CPNE4: variants seen among roughly 807,000 people sequenced by gnomAD.
CPNE4 encodes copine-4.
CPNE4 carries 25 observed loss-of-function variants against 67.9 expected under a neutral mutation model. The observed-to-expected ratio is 0.37, with a 90% CI of 0.27 to 0.51. The LOEUF is 0.51. Ranked by LOEUF, CPNE4 falls within the 20% of genes least tolerant of loss-of-function variation. The pLI is 0.93. For missense variants in CPNE4, 464 were observed against 690.8 expected (o/e 0.67, Z 3.68); for synonymous variants, 242 against 244.9 (o/e 0.99, Z 0.11).
chr3:131,657,118 A>G (rs960107522), intron 7 of CPNE4, among the ~76,000 whole-genome samples: 22 of 152,162 alleles, frequency 1.4e-4, no homozygotes, highest in African/African-American at 5.3e-4. Flanking sequence ...TCTGCTATTT[A>G]CTATTTATTA....
chr3:131,627,109 C>G (rs962394761), intron 7 of CPNE4, among the ~76,000 whole-genome samples: 2 of 146,738 alleles, frequency 1.4e-5, no homozygotes, highest in Non-Finnish European at 1.5e-5. Context: ...AGGAGAACTG[C>G]TTGAACCCGG....
chr3:131,712,222 A>C (rs1546310), intron 3 of CPNE4, among the ~76,000 whole-genome samples: 17,066 of 152,296 alleles, frequency 0.11, 1,205 homozygotes, highest in South Asian at 0.15. Context: ...CATTTATTAT[A>C]ATATTTTTCT....
At chr3:131,811,798 T>C (rs1197527389) in intron 2 of CPNE4, among the ~76,000 whole-genome samples, 1 of 152,144 alleles carries the variant, frequency 6.6e-6, no homozygotes, top group Admixed American at 6.5e-5. Context: ...AGGCACTGTG[T>C]TAAGGAGTTG....
chr3:131,865,461 T>C (rs1177332487), intron 2 of CPNE4, among the ~76,000 whole-genome samples: 1 of 152,152 alleles, frequency 6.6e-6, no homozygotes, highest in Non-Finnish European at 1.5e-5. Flanking sequence ...CTCCCAAATC[T>C]CGCATTCTTT....
chr3:131,703,554 G>A (rs1300680397), intron 3 of CPNE4, among the ~76,000 whole-genome samples: 1 of 152,118 alleles, frequency 6.6e-6, no homozygotes, highest in Non-Finnish European at 1.5e-5. Flanking sequence ...TTCAATTTTA[G>A]AAAAATGCAC....
intron 2 of CPNE4, among the ~76,000 whole-genome samples, chr3:131,875,514 A>T (rs113840960): frequency 2.6e-5 from 4 of 152,132 alleles, no homozygotes; most frequent in Non-Finnish European, 4.4e-5. Context: ...AAAAATGATG[A>T]GTTCATGTCC....
chr3:131,732,709 G>A (rs771832723), intron 2 of CPNE4, among the ~76,000 whole-genome samples: 9 of 152,058 alleles, frequency 5.9e-5, no homozygotes, highest in South Asian at 2.1e-4. Context: ...ATCTTGAAGC[G>A]GTCCCTTCAT....
chr3:131,838,262 G>C (rs1295050398), intron 2 of CPNE4, among the ~76,000 whole-genome samples: 1 of 151,620 alleles, frequency 6.6e-6, no homozygotes, highest in Non-Finnish European at 1.5e-5. Flanking sequence ...TATGCAAATG[G>C]ATATTTTAAA....
intron 1 of CPNE4, among the ~76,000 whole-genome samples, chr3:131,936,492 G>T (rs1277007486): frequency 3.9e-5 from 6 of 152,082 alleles, no homozygotes; most frequent in African/African-American, 1.4e-4. Context: ...GCAAAGGAAA[G>T]AACCCTTAAG....
At chr3:131,836,567 T>C (rs1045681354) in intron 2 of CPNE4, among the ~76,000 whole-genome samples, 1 of 152,162 alleles carries the variant, frequency 6.6e-6, no homozygotes, top group Non-Finnish European at 1.5e-5. Context: ...ATGTCTACTC[T>C]CACCACTTCT....
chr3:131,929,214 AAAAAG>A, intron 1 of CPNE4, among the ~76,000 whole-genome samples: 1 of 130,364 alleles, frequency 7.7e-6, no homozygotes, highest in African/African-American at 2.9e-5. Context: ...AAAAAAAAAA[AAAAAG>A]ATTTTCAGAT....
At chr3:131,995,703 G>C (rs745422355) in intron 1 of CPNE4, among the ~76,000 whole-genome samples, 7 of 152,124 alleles carry the variant, frequency 4.6e-5, no homozygotes, top group Non-Finnish European at 8.8e-5. Context: ...CCTCCTTCAT[G>C]GACTACCTAT....
chr3:132,024,379 C>T (rs568028983), intron 1 of CPNE4, among the ~76,000 whole-genome samples: 12 of 152,262 alleles, frequency 7.9e-5, no homozygotes, highest in African/African-American at 2.9e-4. Context: ...CCATTGCGCC[C>T]AGCCCTGGGG....
chr3:131,919,007 G>T (rs1301803466), intron 1 of CPNE4, among the ~76,000 whole-genome samples: 4 of 152,176 alleles, frequency 2.6e-5, no homozygotes, highest in Non-Finnish European at 5.9e-5. Flanking sequence ...AAACAGTGCA[G>T]TGTAGGAGGT....
chr3:131,716,332 T>C (rs1431805328), intron 3 of CPNE4, among the ~76,000 whole-genome samples: 2 of 151,996 alleles, frequency 1.3e-5, no homozygotes, highest in Non-Finnish European at 2.9e-5. Flanking sequence ...TGGCAATCCC[T>C]ATCTTGCCAC....
At chr3:131,686,131 C>G (rs2080883168) in intron 5 of CPNE4, among the ~76,000 whole-genome samples, 173 bp from the exon 6 acceptor site, 1 of 152,194 alleles carries the variant, frequency 6.6e-6, no homozygotes, top group Non-Finnish European at 1.5e-5. Flanking sequence ...ACTCTCTTCT[C>G]TTTACCTGTG....
At chr3:131,945,611 C>T (rs2071530030) in intron 1 of CPNE4, among the ~76,000 whole-genome samples, 1 of 152,154 alleles carries the variant, frequency 6.6e-6, no homozygotes, top group Admixed American at 6.5e-5. Flanking sequence ...CTTCTTCCTT[C>T]CTCTCTCTTT....
chr3:131,543,810 CA>C (rs989197664), intron 14 of CPNE4, among the ~76,000 whole-genome samples: 3 of 152,180 alleles, frequency 2.0e-5, no homozygotes, highest in Admixed American at 1.3e-4. Context: ...CTCTGAAGGC[CA>C]TGTGCCACAA....
intron 11 of CPNE4, among the ~76,000 whole-genome samples, chr3:131,556,617 T>C (rs1936470728): frequency 6.6e-6 from 1 of 152,016 alleles, no homozygotes; most frequent in African/African-American, 2.4e-5. Context: ...GAACTTGTCA[T>C]GGAATGTGTG....
Sources: gnomAD v4.1 joint callset for allele counts (sites outside exome capture counted in the v4.1 genomes callset) on GRCh38, gnomAD v4.1.1 for gene constraint, MANE v1.5 for transcripts, NCBI Gene and HGNC (gene_info 2026-07-23, HGNC 2026-07-21) for gene names.